Variants in CPS1 observed in about 807,000 individuals in gnomAD.
CPS1 encodes the protein carbamoyl-phosphate synthase 1.
Under a neutral mutation model 174.6 loss-of-function variants are expected in CPS1, and 109 were observed. The ratio of observed to expected loss-of-function variants is 0.62; its 90% CI spans 0.53 to 0.73. CPS1 has a LOEUF of 0.73. Among genes scored for constraint, CPS1 ranks in the 30% least tolerant of loss-of-function variants. CPS1 has a pLI of 0.00. For synonymous variants in CPS1, 637 were observed against 632.0 expected (o/e 1.01, Z -0.12); for missense variants, 1,689 against 1,821.9 (o/e 0.93, Z 1.33).
chr2:210,521,948 G>A (rs574721502), intron 1 of CPS1, among the ~76,000 whole-genome samples: 1 of 152,010 alleles, frequency 6.6e-6, no homozygotes, highest in African/African-American at 2.4e-5. Context: ...CTTGGTAACA[G>A]TTTGAGCCTT....
At chr2:210,519,356 A>G (rs1185880602) in intron 1 of CPS1, among the ~76,000 whole-genome samples, 1 of 152,078 alleles carries the variant, frequency 6.6e-6, no homozygotes, top group Non-Finnish European at 1.5e-5. Flanking sequence ...TTTTGATGCC[A>G]TTCTGAAAGT....
chr2:210,599,561 G>A lies in CPS1; in HGVS notation c.1549G>A (p.Gly517Arg). The A allele has an allele frequency of 6.2e-7, 1 of 1,612,182 alleles. No homozygotes were observed. The highest frequency in any genetic ancestry group is 8.5e-7 in the Non-Finnish European group (1 of 1,178,784). ...GMGGQTALNC[G>R]VELFKRGVLK... ...GGGTGGCCAGACAGCTCTGAACTGT[G>A]GTGAGTTCTTATAAGCTTAATTGCA... The change falls in exon 14 of 38, where the codon GGA (glycine) becomes AGA (arginine). Residue 517 changes from glycine (G) to arginine (R), a missense_variant and splice_region_variant. Coordinates refer to ENST00000233072, the MANE Select transcript of CPS1 (RefSeq NM_001875.5).
chr2:210,647,974 A>C lies in CPS1; in HGVS notation c.3253A>C (p.Arg1085=). The change falls in exon 26 of 38, where the codon AGG becomes CGG. Residue 1085 remains arginine, a synonymous_variant. Coordinates refer to ENST00000233072, the MANE Select transcript of CPS1 (RefSeq NM_001875.5). The stretch of plus-strand genomic sequence containing the variant: ...GGGCACAAGCCCCCTGCAGATCGAC[A>C]GGGCTGAGGATCGCTCCATCTTCTC... The part of the protein sequence containing the change: ...IMGTSPLQID[R]AEDRSIFSAV... The C allele has an allele frequency of 6.2e-7, 1 of 1,614,078 alleles. No individual in the cohort carries two copies. The highest frequency in any genetic ancestry group is 8.5e-7 in the Non-Finnish European group (1 of 1,179,954).
intron 1 of CPS1, among the ~76,000 whole-genome samples, chr2:210,496,428 A>G (rs1399025556): frequency 6.6e-6 from 1 of 152,126 alleles, no homozygotes; most frequent in African/African-American, 2.4e-5. Context: ...TCTAGACACA[A>G]ATAAGAGCTA....
At chr2:210,490,422 T>C (rs1694845479) in intron 1 of CPS1, among the ~76,000 whole-genome samples, 1 of 152,240 alleles carries the variant, frequency 6.6e-6, no homozygotes, top group African/African-American at 2.4e-5. Context: ...TACATGAATA[T>C]TACTTAATAA....
chr2:210,557,417 T>C (rs978216154), intron 1 of CPS1, among the ~76,000 whole-genome samples: 3 of 152,108 alleles, frequency 2.0e-5, no homozygotes, highest in Non-Finnish European at 2.9e-5. Flanking sequence ...GCTAAACTTA[T>C]TATTTTCATT....
intron 21 of CPS1, among the ~76,000 whole-genome samples, chr2:210,631,569 C>T (rs1259305121): frequency 2.6e-5 from 4 of 152,106 alleles, no homozygotes; most frequent in African/African-American, 9.7e-5. Context: ...GGTTTTAAGA[C>T]ATTTTTTTCA....
At chr2:210,596,270 G>A (rs766890300) in intron 13 of CPS1, among the ~76,000 whole-genome samples, 111 of 151,990 alleles carry the variant, frequency 7.3e-4, no homozygotes, top group Non-Finnish European at 6.5e-4. Flanking sequence ...TTTCTCTTGA[G>A]GAGTTCAGTT....
chr2:210,648,986 G>A (rs138573205), intron 27 of CPS1, among the ~76,000 whole-genome samples: 1 of 152,170 alleles, frequency 6.6e-6, no homozygotes, highest in Non-Finnish European at 1.5e-5. Flanking sequence ...TAAATTATAA[G>A]GGTGAGGAAC....
At chr2:210,642,271 A>G (rs1481516232) in intron 24 of CPS1, among the ~76,000 whole-genome samples, 11 of 152,230 alleles carry the variant, frequency 7.2e-5, no homozygotes, top group Admixed American at 2.6e-4. Flanking sequence ...TGACAAGCCC[A>G]ATATTTCCTT....
chr2:210,563,192 T>C (rs1249694959), intron 1 of CPS1, among the ~76,000 whole-genome samples: 1 of 152,176 alleles, frequency 6.6e-6, no homozygotes, highest in Non-Finnish European at 1.5e-5. Flanking sequence ...TTCAGAATGT[T>C]CTAAGTCATT....
Position 210,595,455 on chromosome 2 carries a change from T to G in CPS1, c.1264-32T>G, listed in dbSNP as rs751345055. 5.5e-6 allele frequency: 8 copies of G among 1,458,654 alleles called. No individual in the cohort carries two copies. In the African/African-American group the frequency reaches 8.4e-5, roughly 15 times the overall value. The allele number at this position is 1,458,654 out of a possible 1,614,324, so 90.4% of individuals were successfully genotyped here. On this transcript the variant is annotated intron_variant, in intron 12 of 37. Coordinates refer to ENST00000233072, the MANE Select transcript of CPS1 (RefSeq NM_001875.5). ...TGCCTTATTTCCCCCATTTTAGCAGTAATAACAGTGTCTTTTTCTTATTGC... is the reference window on the plus strand; with the variant it reads ...TGCCTTATTTCCCCCATTTTAGCAGGAATAACAGTGTCTTTTTCTTATTGC...
At chr2:210,583,413 T>C (rs1697995008) in intron 6 of CPS1, among the ~76,000 whole-genome samples, 1 of 152,126 alleles carries the variant, frequency 6.6e-6, no homozygotes, top group South Asian at 2.1e-4. Context: ...AATCCTGTGA[T>C]AAATGCTGTC....
In CPS1 at chr2:210,529,616, A is replaced by G. The variant is rs368682155; in HGVS notation, c.4-27103A>G. Among the ~76,000 whole-genome samples, 7 of 152,124 alleles carry G rather than the reference A, an allele frequency of 4.6e-5. No individual in the cohort carries two copies. The East Asian group carries it at 7.7e-4, about 17-fold the overall frequency. On this transcript the variant is annotated intron_variant, in intron 1 of 38. Coordinates refer to the CPS1 transcript ENST00000430249. ...TGACAAAAAGAAGAACAAGTCTGGA[A>G]AGATAGCATCCCAGAATATTTTTGC...
At chr2:210,676,673 G>C (rs1315268575) in intron 36 of CPS1, among the ~76,000 whole-genome samples, 1 of 152,084 alleles carries the variant, frequency 6.6e-6, no homozygotes, top group South Asian at 2.1e-4. Context: ...TGGGAACATG[G>C]GGGTGAAAGG....
chr2:210,487,379 C>T (rs1694760081), intron 1 of CPS1, among the ~76,000 whole-genome samples: 1 of 152,178 alleles, frequency 6.6e-6, no homozygotes, highest in Admixed American at 6.5e-5. Context: ...ATAGATGGAC[C>T]TTGATATACA....
At chr2:210,496,442 T>C (rs1473924486) in intron 1 of CPS1, among the ~76,000 whole-genome samples, 1 of 152,132 alleles carries the variant, frequency 6.6e-6, no homozygotes. Context: ...AGAGCTAACA[T>C]AGGAATTAAC....
intron 1 of CPS1, among the ~76,000 whole-genome samples, chr2:210,542,721 A>C (rs1398926421): frequency 2.0e-5 from 3 of 152,114 alleles, no homozygotes; most frequent in African/African-American, 7.2e-5. Flanking sequence ...TTCATCAAAA[A>C]ATAAAAAACA....
chr2:210,480,559 G>T (rs1182728700), intron 1 of CPS1, among the ~76,000 whole-genome samples: 1 of 152,088 alleles, frequency 6.6e-6, no homozygotes, highest in Non-Finnish European at 1.5e-5. Context: ...CTATTCCCTT[G>T]ATCCTTGTTA....
Sources: gnomAD v4.1 joint callset for allele counts (sites outside exome capture counted in the v4.1 genomes callset) on GRCh38, gnomAD v4.1.1 for gene constraint, MANE v1.5 for transcripts, NCBI Gene and HGNC (gene_info 2026-07-23, HGNC 2026-07-21) for gene names.